Variants in HCN1 observed in about 807,000 individuals in gnomAD.
The protein encoded by HCN1 is potassium/sodium hyperpolarization-activated cyclic nucleotide-gated channel 1.
In HCN1, 13 loss-of-function variants were observed where a neutral mutation model predicts 78.9. That is an observed-to-expected ratio of 0.16 (90% CI 0.11 to 0.26). The LOEUF (loss-of-function observed/expected upper bound fraction) is 0.26, where lower values mean the gene tolerates loss of function less well. HCN1 is among the 10% of genes least tolerant of loss of function. The pLI is 1.00. For synonymous variants in HCN1, 552 were observed against 455.5 expected, an observed-to-expected ratio of 1.21 and a Z score of -2.70; for missense variants, 810 against 1,154.3, an observed-to-expected ratio of 0.70 and a Z score of 4.32.
intron 4 of HCN1, among the ~76,000 whole-genome samples, chr5:45,376,730 C>G (rs1011523952): frequency 5.9e-5 from 9 of 151,808 alleles, no homozygotes; most frequent in African/African-American, 2.2e-4. Context: ...TTCTTAATAC[C>G]ATTCAGCAAT....
chr5:45,330,995 T>G (rs1746332872), intron 5 of HCN1, among the ~76,000 whole-genome samples: 1 of 151,262 alleles, frequency 6.6e-6, no homozygotes. Context: ...TTGTTTTCCT[T>G]GAAATATATA....
At chr5:45,297,338 C>T (rs1402445350) in intron 6 of HCN1, among the ~76,000 whole-genome samples, 2 of 152,046 alleles carry the variant, frequency 1.3e-5, no homozygotes, top group Non-Finnish European at 2.9e-5. Context: ...TTCCCATAAA[C>T]CCACACACTT....
At chr5:45,481,500 A>G (rs1009971218) in intron 2 of HCN1, among the ~76,000 whole-genome samples, 4 of 152,202 alleles carry the variant, frequency 2.6e-5, no homozygotes, top group African/African-American at 9.6e-5. Context: ...CATAGTTTGG[A>G]AAGAAATGAG....
At chr5:45,630,369 T>G (rs1745250186) in intron 2 of HCN1, among the ~76,000 whole-genome samples, 1 of 152,180 alleles carries the variant, frequency 6.6e-6, no homozygotes, top group African/African-American at 2.4e-5. Flanking sequence ...TGCCTCAATT[T>G]CTTCACTTTT....
chr5:45,562,165 C>G (rs2076915454), intron 2 of HCN1, among the ~76,000 whole-genome samples: 1 of 151,970 alleles, frequency 6.6e-6, no homozygotes, highest in Non-Finnish European at 1.5e-5. Flanking sequence ...TGGCCCTGTC[C>G]TTAAACCTGT....
intron 2 of HCN1, among the ~76,000 whole-genome samples, chr5:45,586,240 C>T (rs1329463511): frequency 1.3e-5 from 2 of 152,164 alleles, no homozygotes; most frequent in Non-Finnish European, 2.9e-5. Flanking sequence ...ACCCATCCCC[C>T]AACCTCGCTG....
intron 1 of HCN1, among the ~76,000 whole-genome samples, chr5:45,651,951 T>C (rs1265882503): frequency 6.6e-6 from 1 of 151,924 alleles, no homozygotes; most frequent in African/African-American, 2.4e-5. Context: ...TGAGGGAAAG[T>C]TTAGCCTAAG....
intron 3 of HCN1, 70 bp downstream of exon 3, chr5:45,461,776 A>C: frequency 3.1e-6 from 4 of 1,294,064 alleles, no homozygotes; most frequent in Non-Finnish European, 4.5e-6. Flanking sequence ...AGATCATTGT[A>C]ACATAATTAC....
intron 3 of HCN1, among the ~76,000 whole-genome samples, chr5:45,437,318 A>T (rs1343437575): frequency 6.6e-6 from 1 of 152,180 alleles, no homozygotes; most frequent in African/African-American, 2.4e-5. Flanking sequence ...TAAAACACAA[A>T]CTCTGAAAAT....
chr5:45,291,394 T>C (rs555924540), intron 6 of HCN1, among the ~76,000 whole-genome samples: 1 of 152,164 alleles, frequency 6.6e-6, no homozygotes, highest in Admixed American at 6.6e-5. Context: ...TATAAATCTT[T>C]CAACCTATCT....
intron 2 of HCN1, among the ~76,000 whole-genome samples, chr5:45,606,525 G>C (rs886573114): frequency 2.0e-5 from 3 of 151,754 alleles, no homozygotes; most frequent in Non-Finnish European, 4.4e-5. Flanking sequence ...GAAGCACAGG[G>C]CTTTCAAGCA....
In HCN1 at chr5:45,678,034, G is replaced by A. The variant is rs569648427; in HGVS notation, c.425+17635C>T. Among the ~76,000 whole-genome samples, 3 of 146,054 alleles carry A rather than the reference G, an allele frequency of 2.1e-5. No individual in the cohort carries two copies. In the South Asian group the frequency reaches 6.4e-4, roughly 31 times the overall value. On this transcript the variant is annotated intron_variant, in intron 1 of 7. Transcript: ENST00000303230. Reference sequence around the variant, plus strand: ...CACACATACACACACACACTATAACGTTAAACAGAAAAGTTTTAGTAGCAT... The same window carrying A: ...CACACATACACACACACACTATAACATTAAACAGAAAAGTTTTAGTAGCAT...
At chr5:45,294,333 T>C (rs1024940386) in intron 6 of HCN1, among the ~76,000 whole-genome samples, 3 of 152,020 alleles carry the variant, frequency 2.0e-5, no homozygotes, top group African/African-American at 7.2e-5. Flanking sequence ...ATTAACTCTG[T>C]AAAGTATCTG....
intron 3 of HCN1, among the ~76,000 whole-genome samples, chr5:45,403,290 C>A (rs185932139): frequency 6.6e-6 from 1 of 152,242 alleles, no homozygotes; most frequent in East Asian, 1.9e-4. Flanking sequence ...CCTCCTCCAT[C>A]ATACCTACAT....
At chr5:45,325,106 T>C (rs1400016457) in intron 5 of HCN1, among the ~76,000 whole-genome samples, 1 of 151,654 alleles carries the variant, frequency 6.6e-6, no homozygotes, top group Non-Finnish European at 1.5e-5. Flanking sequence ...GTTGCCCCCA[T>C]TATGGCTCTG....
chr5:45,478,841 A>G (rs1012932191), intron 2 of HCN1, among the ~76,000 whole-genome samples: 1 of 152,120 alleles, frequency 6.6e-6, no homozygotes, highest in Non-Finnish European at 1.5e-5. Context: ...AAGCTGAAGA[A>G]GGCAGGGCGT....
chr5:45,532,549 T>C (rs1561191394), intron 2 of HCN1, among the ~76,000 whole-genome samples: 2 of 152,186 alleles, frequency 1.3e-5, no homozygotes, highest in African/African-American at 4.8e-5. Flanking sequence ...ATGGCTTTAA[T>C]TAAGTGTGTT....
intron 2 of HCN1, among the ~76,000 whole-genome samples, chr5:45,618,000 C>T (rs1744987863): frequency 7.5e-6 from 1 of 132,672 alleles, no homozygotes; most frequent in Admixed American, 7.6e-5. Context: ...AAAGCGTAAG[C>T]TCTGATGCAT....
At chr5:45,357,149 C>T (rs980707782) in intron 4 of HCN1, among the ~76,000 whole-genome samples, 2 of 151,972 alleles carry the variant, frequency 1.3e-5, no homozygotes, top group African/African-American at 4.8e-5. Flanking sequence ...TTCTAAATGC[C>T]ATGTTTCTGT....
Sources: allele counts gnomAD v4.1 joint callset (sites outside exome capture counted in the v4.1 genomes callset), GRCh38; gene constraint gnomAD v4.1.1; transcripts MANE v1.5; gene names NCBI Gene and HGNC (gene_info 2026-07-23, HGNC 2026-07-21).